Variants in NLGN1 observed in about 807,000 individuals in gnomAD.
NLGN1 encodes the protein neuroligin-1.
Under a neutral mutation model 65.5 loss-of-function variants are expected in NLGN1, and 12 were observed. The ratio of observed to expected loss-of-function variants is 0.18; its 90% confidence interval spans 0.12 to 0.30. The LOEUF (loss-of-function observed/expected upper bound fraction) is 0.30, where lower values mean the gene tolerates loss of function less well. Among genes scored for constraint, NLGN1 ranks in the 10% least tolerant of loss-of-function variants. The probability of loss-of-function intolerance (pLI) is 1.00; values close to 1 mark genes in which losing one functional copy is unlikely to be tolerated. For missense variants in NLGN1, 750 were observed against 1,007.1 expected, an observed-to-expected ratio of 0.74 and a Z score of 3.46; for synonymous variants, 350 against 359.5, an observed-to-expected ratio of 0.97 and a Z score of 0.30.
chr3:174,160,468 C>A (rs1365318745), intron 4 of NLGN1, among the ~76,000 whole-genome samples: 1 of 151,490 alleles, frequency 6.6e-6, no homozygotes, highest in Non-Finnish European at 1.5e-5. Flanking sequence ...TTCTTATTTA[C>A]AATAAAGAAT....
intron 3 of NLGN1, among the ~76,000 whole-genome samples, chr3:173,662,846 A>G (rs1761128103): frequency 6.6e-6 from 1 of 151,968 alleles, no homozygotes; most frequent in Non-Finnish European, 1.5e-5. Context: ...TAACCCCAAC[A>G]CAAAATTTTC....
At chr3:174,083,000 C>A (rs1323518046) in intron 4 of NLGN1, among the ~76,000 whole-genome samples, 12 of 152,168 alleles carry the variant, frequency 7.9e-5, no homozygotes, top group African/African-American at 2.9e-4. Flanking sequence ...GGGCTGGGAT[C>A]ACAGGCATGA....
At chr3:173,923,427 C>T (rs1395035704) in intron 4 of NLGN1, among the ~76,000 whole-genome samples, 1 of 152,128 alleles carries the variant, frequency 6.6e-6, no homozygotes, top group Admixed American at 6.6e-5. Flanking sequence ...TTGCCTGCCA[C>T]AGAGAGCTAT....
chr3:173,455,756 G>A (rs1265694380), intron 2 of NLGN1, among the ~76,000 whole-genome samples: 1 of 152,080 alleles, frequency 6.6e-6, no homozygotes, highest in Admixed American at 6.6e-5. Flanking sequence ...ATATATGTGT[G>A]TGTGTATATA....
intron 4 of NLGN1, among the ~76,000 whole-genome samples, chr3:174,093,899 G>GT (rs1396663410): frequency 6.6e-6 from 1 of 151,742 alleles, no homozygotes; most frequent in Non-Finnish European, 1.5e-5. Context: ...CTCTCTAATG[G>GT]TTTTTCTTCC....
At chr3:173,451,663 G>A (rs1316385203) in intron 2 of NLGN1, among the ~76,000 whole-genome samples, 1 of 152,188 alleles carries the variant, frequency 6.6e-6, no homozygotes, top group Non-Finnish European at 1.5e-5. Flanking sequence ...CAGAGGTGGA[G>A]TCTGCAGAGG....
intron 4 of NLGN1, among the ~76,000 whole-genome samples, chr3:174,011,642 G>C (rs766263600): frequency 3.9e-5 from 6 of 152,000 alleles, no homozygotes; most frequent in Non-Finnish European, 7.4e-5. Flanking sequence ...CTCTCTCTCT[G>C]AAACCGTGGG....
At chr3:174,042,581 G>A (rs1263716439) in intron 4 of NLGN1, among the ~76,000 whole-genome samples, 3 of 152,096 alleles carry the variant, frequency 2.0e-5, no homozygotes, top group Non-Finnish European at 4.4e-5. Flanking sequence ...GATTGATAAG[G>A]CCATTTGTGT....
chr3:174,265,957 T>C (rs1423110234), intron 4 of NLGN1, among the ~76,000 whole-genome samples: 1 of 147,906 alleles, frequency 6.8e-6, no homozygotes, highest in East Asian at 2.0e-4. Flanking sequence ...TGTGTATGTG[T>C]ATATATGTGT....
intron 3 of NLGN1, among the ~76,000 whole-genome samples, chr3:173,754,289 G>T (rs1578269964): frequency 6.6e-6 from 1 of 151,710 alleles, no homozygotes; most frequent in Non-Finnish European, 1.5e-5. Context: ...CAATCTACCC[G>T]CCTTGGGCTT....
intron 2 of NLGN1, among the ~76,000 whole-genome samples, chr3:173,559,201 T>G (rs1577268223): frequency 6.6e-6 from 1 of 152,324 alleles, no homozygotes; most frequent in Admixed American, 6.5e-5. Context: ...TTTCTCTCAA[T>G]TTTCGGCCCC....
At chr3:173,915,119 A>G (rs909570149) in intron 4 of NLGN1, 4 of 152,218 alleles carry the variant, frequency 2.6e-5, no homozygotes, top group African/African-American at 9.7e-5. Context: ...ACAGGCGTGG[A>G]TATCTTGGGG....
At chr3:173,961,583 A>G (rs1261234855) in intron 4 of NLGN1, among the ~76,000 whole-genome samples, 2 of 152,090 alleles carry the variant, frequency 1.3e-5, no homozygotes, top group Admixed American at 6.5e-5. Context: ...TTAGTGAAGG[A>G]CATGAGGCAT....
intron 3 of NLGN1, among the ~76,000 whole-genome samples, chr3:173,764,491 G>A (rs1282086083): frequency 1.3e-5 from 2 of 152,164 alleles, no homozygotes; most frequent in African/African-American, 2.4e-5. Context: ...GGTCTGCCAT[G>A]TGGAAGAGGT....
At chr3:174,198,496 A>C (rs1157391461) in intron 4 of NLGN1, among the ~76,000 whole-genome samples, 1 of 152,222 alleles carries the variant, frequency 6.6e-6, no homozygotes, top group African/African-American at 2.4e-5. Flanking sequence ...AAGTCTAAAC[A>C]TTTACAAAGC....
chr3:173,703,063 ATGTT>A, intron 3 of NLGN1, among the ~76,000 whole-genome samples: 1 of 151,628 alleles, frequency 6.6e-6, no homozygotes, highest in Non-Finnish European at 1.5e-5. Flanking sequence ...TGTTGGTATT[ATGTT>A]ACTAGAGTTT....
intron 4 of NLGN1, among the ~76,000 whole-genome samples, chr3:173,966,636 A>G (rs936249782): frequency 2.0e-5 from 3 of 152,220 alleles, no homozygotes; most frequent in Non-Finnish European, 2.9e-5. Context: ...ACTTAGTGAT[A>G]AGTGGACTTG....
intron 2 of NLGN1, among the ~76,000 whole-genome samples, chr3:173,512,906 A>G (rs913337924): frequency 3.3e-5 from 5 of 152,208 alleles, no homozygotes; most frequent in African/African-American, 1.2e-4. Context: ...CAGTAAATAT[A>G]TCTTCAGTAA....
intron 3 of NLGN1, among the ~76,000 whole-genome samples, chr3:173,645,008 AC>A: frequency 6.6e-6 from 1 of 152,300 alleles, no homozygotes; most frequent in African/African-American, 2.4e-5. Flanking sequence ...CGGTGATTGG[AC>A]TGTACAGTTG....
Sources: gnomAD v4.1 joint callset for allele counts (sites outside exome capture counted in the v4.1 genomes callset) on GRCh38, gnomAD v4.1.1 for gene constraint, MANE v1.5 for transcripts, NCBI Gene and HGNC (gene_info 2026-07-23, HGNC 2026-07-21) for gene names.